Variants in IRAK1BP1 observed in about 807,000 individuals in gnomAD.
IRAK1BP1 encodes the protein interleukin 1 receptor associated kinase 1 binding protein 1, also known as interleukin-1 receptor-associated kinase 1-binding protein 1.
In IRAK1BP1, 24 loss-of-function variants were observed where a neutral mutation model predicts 28.0. The ratio of observed to expected loss-of-function variants is 0.86; its 90% CI spans 0.62 to 1.20. The LOEUF (loss-of-function observed/expected upper bound fraction) is 1.20. IRAK1BP1 is among the 50% of genes most tolerant of loss of function. The pLI, the probability that IRAK1BP1 is intolerant of heterozygous loss-of-function variation, is 0.00. For synonymous variants in IRAK1BP1, 131 were observed against 116.3 expected (o/e 1.13, Z -0.81); for missense variants, 336 against 316.7 (o/e 1.06, Z -0.46).
At chr6:78,919,421 A>G (rs1456724689) in intron 4 of IRAK1BP1, among the ~76,000 whole-genome samples, 1 of 152,212 alleles carries the variant, frequency 6.6e-6, no homozygotes, top group East Asian at 1.9e-4. Context: ...CTTTGAAAGG[A>G]TAAACAAGAT....
intron 1 of IRAK1BP1, among the ~76,000 whole-genome samples, chr6:78,884,777 T>C (rs1008090441): frequency 6.6e-6 from 1 of 152,140 alleles, no homozygotes; most frequent in African/African-American, 2.4e-5. Flanking sequence ...AATTAAATAT[T>C]TTTTAAAACA....
At chr6:78,970,656 T>A in the IRAK1BP1 span, 1 of 645,224 alleles carries the variant, frequency 1.5e-6, no homozygotes. Context: ...CTAGGACTGC[T>A]TCAATTAAAC....
At chr6:78,978,734 T>C in the IRAK1BP1 span, 1 of 1,568,194 alleles carries the variant, frequency 6.4e-7, no homozygotes, top group Non-Finnish European at 8.7e-7. Flanking sequence ...AAGTAATAAT[T>C]GTTAAGTAAT....
chr6:78,945,761 A>G (rs1773779993), exon 5 of IRAK1BP1: 1 of 588,506 alleles, frequency 1.7e-6, no homozygotes, highest in African/African-American at 1.9e-5. Context: ...GGGTACTGTG[A>G]TTTAAATTCA....
the IRAK1BP1 span, among the ~76,000 whole-genome samples, chr6:78,951,800 A>G: frequency 5.8e-4 from 88 of 152,198 alleles, no homozygotes; most frequent in Non-Finnish European, 6.9e-4. Context: ...TCATTTGCCT[A>G]TTGTCTCAGA....
chr6:78,976,166 C>T, the IRAK1BP1 span, among the ~76,000 whole-genome samples: 409 of 149,166 alleles, frequency 2.7e-3, no homozygotes, highest in African/African-American at 9.8e-3. Context: ...GGTACTGGGA[C>T]CAAAACAGAG....
the IRAK1BP1 span, among the ~76,000 whole-genome samples, chr6:78,966,798 A>C: frequency 5.9e-5 from 9 of 152,290 alleles, no homozygotes; most frequent in African/African-American, 1.9e-4. Context: ...TCCTTTATGC[A>C]ATGTTTTCCT....
intron 1 of IRAK1BP1, among the ~76,000 whole-genome samples, chr6:78,881,805 CAAAT>C (rs970515200): frequency 8.6e-5 from 13 of 152,008 alleles, no homozygotes; most frequent in Admixed American, 4.6e-4. Flanking sequence ...TGGGGTTAAA[CAAAT>C]AAATAAGTGG....
chr6:78,877,900 A>G (rs1390950372), intron 1 of IRAK1BP1, among the ~76,000 whole-genome samples: 1 of 152,060 alleles, frequency 6.6e-6, no homozygotes, highest in Admixed American at 6.5e-5. Flanking sequence ...CTGCTAGCAC[A>G]GCAGTCTGAT....
chr6:78,941,296 G>A lies in IRAK1BP1; in HGVS notation c.*68-4112G>A. 3 of 1,613,428 alleles carry A rather than the reference G, an allele frequency of 1.9e-6. No individual in the cohort carries two copies. In the East Asian group the frequency reaches 6.7e-5, roughly 36 times the overall value. Reference sequence around the variant, plus strand: ...GTCCTCCATGGCCATTTACTTGAATGGTTCCTGGTACAAGAGCGTTGTTCT... The same window carrying A: ...GTCCTCCATGGCCATTTACTTGAATAGTTCCTGGTACAAGAGCGTTGTTCT... On this transcript the variant is annotated intron_variant and NMD_transcript_variant, in intron 4 of 4. Coordinates refer to the IRAK1BP1 transcript ENST00000606868.
chr6:78,937,922 C>T (rs1773335216), intron 4 of IRAK1BP1: 1 of 151,556 alleles, frequency 6.6e-6, no homozygotes, highest in Non-Finnish European at 1.5e-5. Context: ...ACTTTCCATG[C>T]ATGTAAGAGT....
chr6:78,903,569 A>G (rs1772178292), downstream of IRAK1BP1, among the ~76,000 whole-genome samples: 1 of 152,124 alleles, frequency 6.6e-6, no homozygotes, highest in African/African-American at 2.4e-5. Context: ...AAAACTAAAA[A>G]TAATTTACAC....
chr6:78,910,451 A>C (rs918335476), intron 4 of IRAK1BP1, among the ~76,000 whole-genome samples: 1 of 152,242 alleles, frequency 6.6e-6, no homozygotes, highest in Non-Finnish European at 1.5e-5. Context: ...AGAGTAAACT[A>C]TTCATGGAAA....
rs1247405916 is a variant in IRAK1BP1, at chr6:78,898,131, G to A, written c.580G>A (p.Gly194Ser). 16 of 1,613,754 alleles carry A rather than the reference G, an allele frequency of 9.9e-6. No individual in the cohort carries two copies. Among genetic ancestry groups the A allele is most frequent in the Non-Finnish European group, 1.2e-5 (14 of 1,179,926 alleles). ...AGCTCAAGAAGTCTGTAACCTTGTT[G>A]GCCAAACCTTAGGAAAACCTTTACT... Reference protein sequence around the residue: ...RKAQEVCNLVGQTLGKPLLIK... With the variant: ...RKAQEVCNLVSQTLGKPLLIK... Residue 194 changes from glycine to serine, a missense_variant, in exon 4 of 4, where the codon GGC becomes AGC. By Grantham distance (56) the Gly-to-Ser change is moderately conservative (BLOSUM62 0). Coordinates refer to ENST00000369940, the MANE Select transcript of IRAK1BP1 (RefSeq NM_001010844.4).
chr6:78,886,960 A>G (rs752229232), intron 2 of IRAK1BP1, among the ~76,000 whole-genome samples: 4 of 152,218 alleles, frequency 2.6e-5, no homozygotes, highest in Non-Finnish European at 5.9e-5. Context: ...CACACAGTCC[A>G]ATACATGATT....
chr6:78,910,436 C>T (rs1329475143), intron 4 of IRAK1BP1, among the ~76,000 whole-genome samples: 1 of 152,122 alleles, frequency 6.6e-6, no homozygotes, highest in Non-Finnish European at 1.5e-5. Flanking sequence ...GAACAGAATC[C>T]CCGAAGAGTA....
At chr6:78,978,619 A>G in the IRAK1BP1 span, 7 of 1,591,480 alleles carry the variant, frequency 4.4e-6, no homozygotes, top group African/African-American at 1.3e-5. Context: ...GCACAAATGG[A>G]CATCTTCGGG....
intron 2 of IRAK1BP1, 133 bp downstream of exon 2, chr6:78,885,576 G>T: frequency 4.1e-6 from 2 of 493,780 alleles, no homozygotes; most frequent in Non-Finnish European, 7.4e-6. Context: ...AAATCATCTT[G>T]GTGTTATATA....
At chr6:78,908,062 A>G (rs1464157769), downstream of IRAK1BP1, among the ~76,000 whole-genome samples, 1 of 130,120 alleles carries the variant, frequency 7.7e-6, no homozygotes, top group African/African-American at 2.9e-5. Flanking sequence ...TTATTTATCT[A>G]TTTTTTGAGA....
Sources: allele counts gnomAD v4.1 joint callset (sites outside exome capture counted in the v4.1 genomes callset), GRCh38; gene constraint gnomAD v4.1.1; transcripts MANE v1.5; gene names NCBI Gene and HGNC (gene_info 2026-07-23, HGNC 2026-07-21).